The following EPC1 variants were observed in gnomAD, a reference collection of about 807,000 sequenced individuals.
The protein encoded by EPC1 is enhancer of polycomb 1.
A neutral mutation model predicts 98.4 loss-of-function variants in EPC1; 12 were observed. That is an observed-to-expected ratio of 0.12 (90% confidence interval 0.08 to 0.20). The LOEUF is 0.20. EPC1 is among the 10% of genes least tolerant of loss of function. The pLI is 1.00. For missense variants in EPC1, 729 were observed against 990.5 expected (o/e 0.74, Z 3.54); for synonymous variants, 357 against 363.9 (o/e 0.98, Z 0.21).
intron 6 of EPC1, among the ~76,000 whole-genome samples, chr10:32,289,957 C>CT (rs1592553620): frequency 2.0e-5 from 3 of 152,096 alleles, no homozygotes; most frequent in African/African-American, 7.2e-5. Context: ...GCATAACGTA[C>CT]TTTTTCCTCA....
chr10:32,364,659 T>C (rs1839544602), intron 1 of EPC1, among the ~76,000 whole-genome samples: 1 of 152,188 alleles, frequency 6.6e-6, no homozygotes, highest in Admixed American at 6.5e-5. Flanking sequence ...TTTTGTAGTT[T>C]ATAGAAAATA....
chr10:32,315,028 T>C (rs1209702458), intron 1 of EPC1, among the ~76,000 whole-genome samples: 1 of 152,262 alleles, frequency 6.6e-6, no homozygotes, highest in African/African-American at 2.4e-5. Context: ...TATTTATGTT[T>C]ACATACTGAT....
At chr10:32,292,408 T>TA in intron 5 of EPC1, 88 bp downstream of exon 5, 3 of 940,850 alleles carry the variant, frequency 3.2e-6, no homozygotes, top group Non-Finnish European at 4.5e-6. Context: ...TTTCTGTAAT[T>TA]AGATTATTGC....
chr10:32,313,873 G>A (rs750382388), intron 1 of EPC1, among the ~76,000 whole-genome samples: 6 of 151,914 alleles, frequency 3.9e-5, no homozygotes, highest in South Asian at 2.1e-4. Context: ...GCGACACAGC[G>A]AGACTCTGTC....
At chr10:32,271,436 A>C in intron 13 of EPC1, 118 bp downstream of exon 13, 3 of 1,163,588 alleles carry the variant, frequency 2.6e-6, no homozygotes, top group Non-Finnish European at 2.4e-6. Flanking sequence ...TCAACTATAC[A>C]TTTTCAATGT....
chr10:32,357,479 G>C (rs1839311742), intron 1 of EPC1, among the ~76,000 whole-genome samples: 1 of 152,132 alleles, frequency 6.6e-6, no homozygotes, highest in African/African-American at 2.4e-5. Flanking sequence ...TTGTGGTTTT[G>C]ACACAGGATC....
chr10:32,300,799 T>C (rs1349925771), intron 2 of EPC1, among the ~76,000 whole-genome samples: 1 of 152,112 alleles, frequency 6.6e-6, no homozygotes, highest in Non-Finnish European at 1.5e-5. Flanking sequence ...GTCCCAGAAT[T>C]AGCCAGCGGA....
At chr10:32,297,818 GAC>G (rs1005881803) in intron 2 of EPC1, among the ~76,000 whole-genome samples, 30 of 149,136 alleles carry the variant, frequency 2.0e-4, no homozygotes, top group Admixed American at 6.7e-4. Flanking sequence ...ATTATTTTGA[GAC>G]AGAGTCTCGC....
Position 32,293,097 on chromosome 10 carries a change from C to T in EPC1, c.557G>A (p.Arg186Gln), listed in dbSNP as rs747707650. 9.3e-6 allele frequency: 15 copies of T among 1,612,996 alleles called. No homozygotes were observed. Among genetic ancestry groups the T allele is most frequent in the South Asian group, 7.7e-5 (7 of 91,008 alleles). Reference protein sequence around the residue: ...EYWIKKRKNCRGPSLIPSVKQ... With the variant: ...EYWIKKRKNCQGPSLIPSVKQ... ...TACTGATGGAATAAGAGATGGCCCT[C>T]GACAGTTTTTTCTCTTTTTAATCCA... Residue 186 changes from arginine (R) to glutamine (Q), a missense_variant, in exon 4 of 14, where the codon CGA (arginine) becomes CAA (glutamine). Coordinates refer to ENST00000319778, the MANE Select transcript of EPC1 (RefSeq NM_001272004.3).
chr10:32,277,769 A>T (rs1188422744), intron 10 of EPC1, among the ~76,000 whole-genome samples: 1 of 152,076 alleles, frequency 6.6e-6, no homozygotes, highest in Non-Finnish European at 1.5e-5. Context: ...GTGTTTCACC[A>T]TGTTGCTCAG....
chr10:32,343,944 T>G (rs978419555), intron 1 of EPC1, among the ~76,000 whole-genome samples: 1 of 152,212 alleles, frequency 6.6e-6, no homozygotes, highest in South Asian at 2.1e-4. Flanking sequence ...TCAGGTGGTG[T>G]ATAAAAAAAC....
intron 1 of EPC1, among the ~76,000 whole-genome samples, chr10:32,332,042 A>C (rs1307614440): frequency 6.6e-6 from 1 of 152,208 alleles, no homozygotes; most frequent in Non-Finnish European, 1.5e-5. Context: ...GACTACCTAG[A>C]TTTTTCCAGA....
intron 6 of EPC1, among the ~76,000 whole-genome samples, chr10:32,289,785 G>C (rs138385407): frequency 1.3e-5 from 2 of 151,812 alleles, no homozygotes; most frequent in South Asian, 4.2e-4. Flanking sequence ...CAGCACGCCC[G>C]GCTATTTTTT....
chr10:32,324,885 T>A (rs1365634078), intron 1 of EPC1, among the ~76,000 whole-genome samples: 1 of 152,032 alleles, frequency 6.6e-6, no homozygotes, highest in Admixed American at 6.5e-5. Flanking sequence ...CCCAGCCACT[T>A]GCGAGGCTGA....
At chr10:32,278,245 T>C (rs1836202277) in intron 10 of EPC1, among the ~76,000 whole-genome samples, 1 of 151,922 alleles carries the variant, frequency 6.6e-6, no homozygotes, top group African/African-American at 2.4e-5. Context: ...TTTCGCCATG[T>C]TTGCCAGGCT....
chr10:32,283,816 T>C (rs929104388), intron 10 of EPC1: 3 of 152,300 alleles, frequency 2.0e-5, no homozygotes, highest in Middle Eastern at 3.4e-3. Context: ...TGGACTGCAA[T>C]TGGGGGGTGC....
At position 32,325,774 on chromosome 10, in the gene EPC1, C is replaced by T. The variant is rs369493376; in HGVS notation, c.154-19843G>A. 7.2e-4 allele frequency among the ~76,000 whole-genome samples: 51 copies of T among 70,980 alleles called. No homozygotes were observed. In the South Asian group the frequency reaches 0.033, roughly 46 times the overall value. The allele number at this position is 70,980 out of a possible 152,430, so 46.6% of individuals were successfully genotyped here. ...AGAAGCAAACTGTGGCAGACACTGC[C>T]GGTTTTTTGGTGTTTTTTTTTTAAC... On this transcript the variant is annotated intron_variant, in intron 1 of 13. Coordinates refer to ENST00000319778, the MANE Select transcript of EPC1 (RefSeq NM_001272004.3).
Position 32,271,650 on chromosome 10 carries a change from A to G in EPC1, c.2273T>C (p.Leu758Ser). The stretch of plus-strand genomic sequence containing the variant: ...TAAGGCAGATGATGGAACAGCACTT[A>G]AAGTCCTAGGTATATGTCGTGCATT... ...PINARHIPRT[L>S]SAVPSSALKL... The change falls in exon 13 of 14, where the codon TTA becomes TCA. Residue 758 changes from leucine (L) to serine (S), a missense_variant. By Grantham distance (145) the Leu-to-Ser change is moderately radical (BLOSUM62 -2). Transcript: ENST00000319778. 6.2e-7 allele frequency: 1 copy of G among 1,614,218 alleles called. No homozygotes were observed. The highest frequency in any genetic ancestry group is 8.5e-7 in the Non-Finnish European group (1 of 1,180,042).
At chr10:32,311,035 G>C (rs1836182447) in intron 1 of EPC1, among the ~76,000 whole-genome samples, 1 of 152,148 alleles carries the variant, frequency 6.6e-6, no homozygotes, top group South Asian at 2.1e-4. Flanking sequence ...AACCAGCTGG[G>C]CACGGTGGCT....
Sources: gnomAD v4.1 joint callset for allele counts (sites outside exome capture counted in the v4.1 genomes callset) on GRCh38, gnomAD v4.1.1 for gene constraint, MANE v1.5 for transcripts, NCBI Gene and HGNC (gene_info 2026-07-23, HGNC 2026-07-21) for gene names.